Variants in ZDHHC1 observed in about 807,000 individuals in gnomAD.
ZDHHC1 encodes the protein palmitoyltransferase ZDHHC1.
A neutral mutation model predicts 46.9 loss-of-function variants in ZDHHC1; 45 were observed. That is an observed-to-expected ratio of 0.96 (90% CI 0.76 to 1.23). The LOEUF (loss-of-function observed/expected upper bound fraction) is 1.23. ZDHHC1 is among the 50% of genes most tolerant of loss of function. The pLI is 0.00. For missense variants in ZDHHC1, 649 were observed against 670.8 expected (o/e 0.97, Z 0.36); for synonymous variants, 291 against 286.0 (o/e 1.02, Z -0.18).
chr16:67,403,394 C>A (rs1027432159), intron 3 of ZDHHC1, among the ~76,000 whole-genome samples: 1 of 152,174 alleles, frequency 6.6e-6, no homozygotes, highest in Non-Finnish European at 1.5e-5. Context: ...TTCAAAAAAA[C>A]AAATCTGCAG....
chr16:67,415,756 GT>G (rs2040824590), intron 1 of ZDHHC1, among the ~76,000 whole-genome samples: 1 of 152,116 alleles, frequency 6.6e-6, no homozygotes, highest in South Asian at 2.1e-4. Context: ...GCGAAACTCC[GT>G]CTCAAAGAAA....
chr16:67,406,540 G>A lies in ZDHHC1; in HGVS notation c.10-98C>T. The A allele has an allele frequency of 7.2e-7, 1 of 1,391,136 alleles. No individual in the cohort carries two copies. The highest frequency in any genetic ancestry group is 1.5e-5 in the African/African-American group (1 of 68,230). 86.2% of individuals were successfully genotyped at this position (1,391,136 alleles called of 1,614,324 possible). On this transcript the variant is annotated intron_variant, in intron 2 of 11. Coordinates refer to ENST00000565726, the MANE Select transcript of ZDHHC1 (RefSeq NM_001323627.2). The surrounding 1 kb of genome is among the most constrained non-coding windows in gnomAD (Gnocchi z 4.1). ...GCCAAGTTTCAGCACAGGGGGAGTAGGCTGCGACAGCTACTCTGCTGGGGA... is the reference window on the plus strand; with the variant it reads ...GCCAAGTTTCAGCACAGGGGGAGTAAGCTGCGACAGCTACTCTGCTGGGGA...
chr16:67,405,376 G>A (rs186151093), intron 3 of ZDHHC1, among the ~76,000 whole-genome samples: 2 of 152,312 alleles, frequency 1.3e-5, no homozygotes, highest in Admixed American at 6.5e-5. Flanking sequence ...AGCAGGGACA[G>A]AGCTCACCAC....
At chr16:67,404,439 G>A (rs2040615338) in intron 3 of ZDHHC1, 1 of 287,432 alleles carries the variant, frequency 3.5e-6, no homozygotes, top group Non-Finnish European at 7.1e-6. Context: ...TGGGTACCTG[G>A]TACCCATTAT....
chr16:67,398,515 A>G, intron 7 of ZDHHC1, 58 bp downstream of exon 7: 1 of 1,548,732 alleles, frequency 6.5e-7, no homozygotes, highest in Non-Finnish European at 8.7e-7. Flanking sequence ...CCAACTGGGC[A>G]CCTTCCTGCA....
At position 67,410,644 on chromosome 16, in the gene ZDHHC1, A is replaced by AATTATTATTATT. The variant is rs58905759; in HGVS notation, c.-38-2843_-38-2832dup. On this transcript the variant is annotated intron_variant, in intron 1 of 11. Transcript: ENST00000565726. ...AATATAAGGTTAGGCTACCTTAATTAATTATTATTATTATTATTATTATTA... is the reference window on the plus strand; with the variant it reads ...AATATAAGGTTAGGCTACCTTAATTAATTATTATTATTATTATTATTATTATTATTATTATTA... Among the ~76,000 whole-genome samples the AATTATTATTATT allele has an allele frequency of 1.1e-4, 16 of 147,678 alleles. No homozygotes were observed. In the South Asian group the frequency reaches 2.1e-3, roughly 20 times the overall value.
chr16:67,400,578 A>G (rs2040532488), intron 4 of ZDHHC1, among the ~76,000 whole-genome samples: 1 of 152,184 alleles, frequency 6.6e-6, no homozygotes, highest in Admixed American at 6.5e-5. Context: ...TCCTCCATGA[A>G]GTGAGAAAGC....
At chr16:67,412,875 A>C (rs1344862041) in intron 1 of ZDHHC1, among the ~76,000 whole-genome samples, 2 of 151,440 alleles carry the variant, frequency 1.3e-5, no homozygotes, top group Non-Finnish European at 2.9e-5. Context: ...ATCTTGGCTC[A>C]CTGCAGCCTC....
rs559575291 is a variant in ZDHHC1 at position 67,399,508 on chromosome 16, G to C, written c.429-52C>G. The C allele has an allele frequency of 4.0e-6, 6 of 1,506,630 alleles. No homozygotes were observed. In the East Asian group the frequency reaches 1.4e-4, roughly 35 times the overall value. The allele number at this position is 1,506,630 out of a possible 1,614,324, so 93.3% of individuals were successfully genotyped here. A position where few individuals can be genotyped will look rare whatever the true frequency, so the allele number is the denominator to read the frequency against. ...TTGGCCGGCTCATTCCCCGCTCTGC[G>C]GCCCGGCCGGTCGGGGTGGTTGAGT... On this transcript the variant is annotated intron_variant, in intron 4 of 11. Coordinates refer to ENST00000565726, the MANE Select transcript of ZDHHC1 (RefSeq NM_001323627.2).
At position 67,394,848 on chromosome 16, in the gene ZDHHC1, G is replaced by A. The variant is rs2040388496; in HGVS notation, c.1211C>T (p.Ala404Val). The change falls in exon 12 of 12, where the codon GCG becomes GTG. Residue 404 changes from alanine (A) to valine (V), a missense_variant. Physicochemically the swap from Ala to Val is moderately conservative, Grantham distance 64. Transcript: ENST00000565726. ...AGCGGCGTGCACAGGGCTGGCGTCCGCGGAATCCGTCGACGAGCTGGAGCG... is the reference window on the plus strand; with the variant it reads ...AGCGGCGTGCACAGGGCTGGCGTCCACGGAATCCGTCGACGAGCTGGAGCG... Reference protein sequence around the residue: ...SRRSSSSTDSADASPVHAAGP... With the variant: ...SRRSSSSTDSVDASPVHAAGP... 3 of 1,557,496 alleles carry A rather than the reference G, an allele frequency of 1.9e-6. No homozygotes were observed. Among genetic ancestry groups the A allele is most frequent in the Non-Finnish European group, 2.6e-6 (3 of 1,154,736 alleles).
intron 3 of ZDHHC1, chr16:67,404,498 G>C (rs1019645868): frequency 3.0e-6 from 1 of 329,194 alleles, no homozygotes; most frequent in Non-Finnish European, 6.1e-6. Flanking sequence ...CAGAAAGAAG[G>C]CTTTGATGGA....
At chr16:67,403,300 T>G (rs1268089419) in intron 3 of ZDHHC1, among the ~76,000 whole-genome samples, 1 of 152,206 alleles carries the variant, frequency 6.6e-6, no homozygotes, top group African/African-American at 2.4e-5. Context: ...AATGTTTAAA[T>G]GTTAAGGAAA....
At chr16:67,415,681 C>T (rs1452470171) in intron 1 of ZDHHC1, among the ~76,000 whole-genome samples, 2 of 152,002 alleles carry the variant, frequency 1.3e-5, no homozygotes, top group Non-Finnish European at 2.9e-5. Flanking sequence ...GGCTTGAACC[C>T]GGGAGGCGGA....
At chr16:67,395,118 A>G in intron 10 of ZDHHC1, 56 bp from the exon 11 acceptor site, 1 of 1,613,200 alleles carries the variant, frequency 6.2e-7, no homozygotes, top group South Asian at 1.1e-5. Context: ...AGCAGAGGCG[A>G]GCGCCAGGGT....
Position 67,398,744 on chromosome 16 carries a change from G to A in ZDHHC1, c.656-13C>T. On this transcript the variant is annotated splice_polypyrimidine_tract_variant and intron_variant, in intron 6 of 11. Coordinates refer to ENST00000565726, the MANE Select transcript of ZDHHC1 (RefSeq NM_001323627.2). ...TGATTCTTCAGGACTGCAAGGCACAGGCAGTGTGTGCTCAGCCGGGGACGT... is the reference window on the plus strand; with the variant it reads ...TGATTCTTCAGGACTGCAAGGCACAAGCAGTGTGTGCTCAGCCGGGGACGT... The A allele has an allele frequency of 6.2e-7, 1 of 1,610,976 alleles. No homozygotes were observed. The highest frequency in any genetic ancestry group is 8.5e-7 in the Non-Finnish European group (1 of 1,178,940).
Position 67,406,431 on chromosome 16 carries a change from G to A in ZDHHC1, c.21C>T (p.Cys7=). MYKMNI[C]NKPSNKTAPE... ...GGGCCGTCTTGTTGGAGGGCTTGTT[G>A]CAGATGTTCATCTCCAGAGGGAGAA... is the stretch of plus-strand genomic sequence containing the variant. Residue 7 remains cysteine (C), a synonymous_variant, in exon 3 of 12, where the codon TGC becomes TGT. Coordinates refer to ENST00000565726, the MANE Select transcript of ZDHHC1 (RefSeq NM_001323627.2). The surrounding 1 kb of genome is among the most constrained non-coding windows in gnomAD (Gnocchi z 4.1). The A allele has an allele frequency of 6.5e-7, 1 of 1,543,160 alleles. No individual in the cohort carries two copies. Among genetic ancestry groups the A allele is most frequent in the Non-Finnish European group, 8.7e-7 (1 of 1,143,486 alleles).
At chr16:67,402,268 CAG>C (rs1324051408) in intron 3 of ZDHHC1, among the ~76,000 whole-genome samples, 2 of 152,202 alleles carry the variant, frequency 1.3e-5, no homozygotes, top group African/African-American at 4.8e-5. Context: ...CACATGGTCT[CAG>C]AGTAAGTTTT....
chr16:67,400,980 G>C lies in ZDHHC1; in HGVS notation c.405C>G (p.His135Gln). The C allele has an allele frequency of 6.2e-7, 1 of 1,614,056 alleles. No individual in the cohort carries two copies. The highest frequency in any genetic ancestry group is 8.5e-7 in the Non-Finnish European group (1 of 1,180,012). ...ACACATCCACGTTGCACAAGTTGCA[G>C]TGCAGGTCTTCAATGACATGTGCGT... ...SQHAHVIEDL[H>Q]CNLCNVDVSA... The change falls in exon 4 of 12, where the codon CAC becomes CAG. Residue 135 changes from histidine (H) to glutamine (Q), a missense_variant. By Grantham distance (24) the His-to-Gln change is conservative. Coordinates refer to ENST00000565726, the MANE Select transcript of ZDHHC1 (RefSeq NM_001323627.2).
Position 67,411,805 on chromosome 16 carries a change from G to A in ZDHHC1, c.-38-3992C>T, listed in dbSNP as rs181310665. 1.1e-4 allele frequency among the ~76,000 whole-genome samples: 16 copies of A among 152,270 alleles called. No individual in the cohort carries two copies. The South Asian group carries it at 1.4e-3, about 14-fold the overall frequency. On this transcript the variant is annotated intron_variant, in intron 1 of 11. Coordinates refer to ENST00000565726, the MANE Select transcript of ZDHHC1 (RefSeq NM_001323627.2). ...AAGATGAAGAACACTTGTAGATGGC[G>A]CTACCAAGTGAATGAAAACAAAGGG... is the stretch of plus-strand genomic sequence containing the variant.
Sources: gnomAD v4.1 joint callset for allele counts (sites outside exome capture counted in the v4.1 genomes callset) on GRCh38, gnomAD v4.1.1 for gene constraint, Gnocchi (gnomAD v3.1) non-coding constraint, MANE v1.5 for transcripts, NCBI Gene and HGNC (gene_info 2026-07-23, HGNC 2026-07-21) for gene names.